The following NAV2 variants were observed in gnomAD, a reference collection of about 807,000 sequenced individuals.
NAV2 encodes the protein helicase, APC down-regulated 1.
NAV2 carries 54 observed loss-of-function variants against 223.2 expected under a neutral mutation model. The observed-to-expected ratio is 0.24, with a 90% CI of 0.19 to 0.30. The LOEUF is 0.30. Among genes scored for constraint, NAV2 ranks in the 10% least tolerant of loss-of-function variants. The pLI, the probability that NAV2 is intolerant of heterozygous loss-of-function variation, is 1.00. For synonymous variants in NAV2, 1,279 were observed against 1,239.3 expected (o/e 1.03, Z -0.67); for missense variants, 2,806 against 3,147.5 (o/e 0.89, Z 2.60).
At chr11:19,683,712 C>A (rs1237641859) in intron 1 of NAV2, among the ~76,000 whole-genome samples, 1 of 152,236 alleles carries the variant, frequency 6.6e-6, no homozygotes, top group Non-Finnish European at 1.5e-5. Flanking sequence ...GGCTCTGCCC[C>A]TTTCTGGCTG....
chr11:19,562,504 T>G (rs1174905449), intron 1 of NAV2, among the ~76,000 whole-genome samples: 1 of 152,210 alleles, frequency 6.6e-6, no homozygotes, highest in Non-Finnish European at 1.5e-5. Flanking sequence ...TCATATTTTT[T>G]TTTCAGTTTC....
Position 19,557,909 on chromosome 11 carries a change from A to G in NAV2, c.75+206882A>G, listed in dbSNP as rs548190239. Among the ~76,000 whole-genome samples the G allele has an allele frequency of 2.0e-5, 3 of 152,306 alleles. No individual in the cohort carries two copies. In the South Asian group the frequency reaches 6.2e-4, roughly 32 times the overall value. ...TGACAGAGGGCACTTCGTCTGGTGA[A>G]TATCATGTGAGTCCATGTGGAGCCT... On this transcript the variant is annotated intron_variant, in intron 1 of 37. Coordinates refer to the NAV2 transcript ENST00000360655.
chr11:19,761,619 C>T (rs928032400), intron 1 of NAV2, among the ~76,000 whole-genome samples: 3 of 152,132 alleles, frequency 2.0e-5, no homozygotes, highest in East Asian at 1.9e-4. Flanking sequence ...CTCATGAGTT[C>T]GTGGCTGTTT....
intron 1 of NAV2, among the ~76,000 whole-genome samples, chr11:19,718,046 C>T (rs915905739): frequency 7.6e-5 from 11 of 144,538 alleles, no homozygotes; most frequent in African/African-American, 2.5e-4. Flanking sequence ...CTGGTTCTCC[C>T]CCACCCACCC....
At chr11:19,786,153 T>C (rs1216858875) in intron 1 of NAV2, among the ~76,000 whole-genome samples, 1 of 152,248 alleles carries the variant, frequency 6.6e-6, no homozygotes, top group Non-Finnish European at 1.5e-5. Context: ...AATGTACAAT[T>C]GAAATAGACT....
intron 1 of NAV2, among the ~76,000 whole-genome samples, chr11:19,585,883 T>C (rs2045881526): frequency 1.3e-5 from 2 of 152,208 alleles, no homozygotes; most frequent in African/African-American, 4.8e-5. Context: ...TCGAGGAGTA[T>C]GTTTGTGGCA....
intron 1 of NAV2, among the ~76,000 whole-genome samples, chr11:19,487,878 C>A (rs1277777644): frequency 6.6e-6 from 1 of 151,756 alleles, no homozygotes; most frequent in Admixed American, 6.6e-5. Context: ...AGTAGAGGAC[C>A]CAGTTGAACT....
At chr11:19,818,547 A>G (rs1339996145) in intron 1 of NAV2, among the ~76,000 whole-genome samples, 1 of 152,210 alleles carries the variant, frequency 6.6e-6, no homozygotes, top group Non-Finnish European at 1.5e-5. Flanking sequence ...CTATCACTTT[A>G]AAAATATAAT....
intron 1 of NAV2, among the ~76,000 whole-genome samples, chr11:19,641,356 C>G (rs897120031): frequency 6.6e-6 from 1 of 152,126 alleles, no homozygotes; most frequent in African/African-American, 2.4e-5. Context: ...CCATATCCCT[C>G]CCCCTCCACT....
chr11:20,009,381 G>T (rs1438659812), intron 11 of NAV2, among the ~76,000 whole-genome samples: 5 of 152,120 alleles, frequency 3.3e-5, no homozygotes, highest in African/African-American at 4.8e-5. Context: ...ATGAAGGCAG[G>T]TGCTCGTTGA....
chr11:19,653,312 T>G (rs561466831), intron 1 of NAV2, among the ~76,000 whole-genome samples: 2 of 152,368 alleles, frequency 1.3e-5, no homozygotes, highest in East Asian at 1.9e-4. Flanking sequence ...ATTCATTTAT[T>G]CAGCGTGACA....
At chr11:19,706,438 A>G (rs1165205873) in intron 1 of NAV2, among the ~76,000 whole-genome samples, 1 of 152,186 alleles carries the variant, frequency 6.6e-6, no homozygotes, top group Non-Finnish European at 1.5e-5. Context: ...AACCCCACAA[A>G]TAGTTGACCC....
chr11:19,844,654 G>A (rs116446491), intron 3 of NAV2, among the ~76,000 whole-genome samples: 1,822 of 152,254 alleles, frequency 0.012, 49 homozygotes, highest in African/African-American at 0.042. Flanking sequence ...TGTTCAACCT[G>A]TAATATTGTC....
chr11:19,440,679 C>G (rs1851369886), intron 1 of NAV2, among the ~76,000 whole-genome samples: 1 of 152,174 alleles, frequency 6.6e-6, no homozygotes, highest in African/African-American at 2.4e-5. Flanking sequence ...GAATACCAAG[C>G]CATGGCTGTC....
chr11:19,519,521 A>G (rs1256743161), intron 1 of NAV2, among the ~76,000 whole-genome samples: 2 of 152,228 alleles, frequency 1.3e-5, no homozygotes, highest in African/African-American at 4.8e-5. Flanking sequence ...TTGAACCCTG[A>G]TGATGTAGCT....
intron 1 of NAV2, among the ~76,000 whole-genome samples, chr11:19,646,591 A>C (rs1028423709): frequency 6.6e-6 from 1 of 152,158 alleles, no homozygotes; most frequent in Non-Finnish European, 1.5e-5. Flanking sequence ...GAAGAGTTAC[A>C]GTACAGGATC....
chr11:19,689,834 G>T (rs1349946560), intron 1 of NAV2, among the ~76,000 whole-genome samples: 3 of 152,222 alleles, frequency 2.0e-5, no homozygotes, highest in Admixed American at 6.5e-5. Context: ...TCATGAGGGT[G>T]CTGAGTTGAA....
chr11:20,043,775 T>G, intron 12 of NAV2: 1 of 547,134 alleles, frequency 1.8e-6, no homozygotes, highest in East Asian at 3.0e-5. Flanking sequence ...GATACATTGA[T>G]ATTATTTACT....
chr11:19,856,621 ACC>A (rs1385516599), intron 3 of NAV2, among the ~76,000 whole-genome samples: 10 of 152,182 alleles, frequency 6.6e-5, no homozygotes, highest in African/African-American at 2.2e-4. Flanking sequence ...TATAATAATC[ACC>A]CACTGATTGC....
Sources: allele counts gnomAD v4.1 joint callset (sites outside exome capture counted in the v4.1 genomes callset), GRCh38; gene constraint gnomAD v4.1.1; transcripts MANE v1.5; gene names NCBI Gene and HGNC (gene_info 2026-07-23, HGNC 2026-07-21).